The following MLIP variants were observed in gnomAD, a reference collection of about 807,000 sequenced individuals.
The protein encoded by MLIP is muscular LMNA interacting protein, also known as muscular LMNA-interacting protein.
A neutral mutation model predicts 84.8 loss-of-function variants in MLIP; 79 were observed. The ratio of observed to expected loss-of-function variants is 0.93; its 90% CI spans 0.78 to 1.12. MLIP has a LOEUF of 1.12. Ranked by LOEUF, MLIP falls within the 50% of genes most tolerant of loss-of-function variation. MLIP has a pLI of 0.00. For missense variants in MLIP, 1,257 were observed against 1,160.6 expected, an observed-to-expected ratio of 1.08 and a Z score of -1.21; for synonymous variants, 504 against 463.0, an observed-to-expected ratio of 1.09 and a Z score of -1.14.
intron 1 of MLIP, among the ~76,000 whole-genome samples, chr6:54,074,970 C>T (rs1392139664): frequency 6.6e-6 from 1 of 152,028 alleles, no homozygotes; most frequent in Non-Finnish European, 1.5e-5. Flanking sequence ...AATTCCTGGC[C>T]AGGCGCGGTG....
intron 12 of MLIP, among the ~76,000 whole-genome samples, chr6:54,250,864 T>G (rs1782426816): frequency 1.3e-5 from 2 of 152,104 alleles, no homozygotes; most frequent in Non-Finnish European, 2.9e-5. Context: ...CCTTTTAGTT[T>G]AGGTTAGATT....
Position 54,061,785 on chromosome 6 carries a change from AGAAG to A in MLIP, c.63+42695_63+42698del, listed in dbSNP as rs1259915672. Among the ~76,000 whole-genome samples the A allele has an allele frequency of 1.1e-4, 17 of 152,316 alleles. No individual in the cohort carries two copies. In the East Asian group the frequency reaches 2.9e-3, roughly 26 times the overall value. On this transcript the variant is annotated intron_variant, in intron 1 of 12. Coordinates refer to the MLIP transcript ENST00000274897. The stretch of plus-strand genomic sequence containing the variant: ...TAACAATGAAGATGTAAAAGACTAA[AGAAG>A]AGATCTGAGTATTACAGGGTTTATT...
At chr6:54,136,639 G>T in intron 3 of MLIP, 76 bp from the exon 4 acceptor site, 2 of 1,302,102 alleles carry the variant, frequency 1.5e-6, no homozygotes, top group African/African-American at 1.5e-5. Context: ...TTGTATAATC[G>T]CACAAGTGAC....
At chr6:54,198,883 T>C (rs946860470) in intron 10 of MLIP, among the ~76,000 whole-genome samples, 1 of 136,244 alleles carries the variant, frequency 7.3e-6, no homozygotes, top group Non-Finnish European at 1.7e-5. Context: ...TGTGTCTGTG[T>C]GTGTGTGTGT....
intron 1 of MLIP, among the ~76,000 whole-genome samples, chr6:54,082,796 C>A (rs554386694): frequency 2.6e-5 from 4 of 151,830 alleles, no homozygotes; most frequent in South Asian, 4.2e-4. Flanking sequence ...TGAATTTCCT[C>A]CTCATATAAT....
intron 3 of MLIP, among the ~76,000 whole-genome samples, chr6:54,126,517 C>G (rs1438502738): frequency 6.6e-6 from 1 of 151,690 alleles, no homozygotes; most frequent in Non-Finnish European, 1.5e-5. Context: ...TGGTGGAATA[C>G]TAGATCCTAA....
chr6:54,093,409 C>T (rs1003491173), intron 1 of MLIP, among the ~76,000 whole-genome samples: 3 of 105,124 alleles, frequency 2.9e-5, no homozygotes, highest in South Asian at 3.1e-4. Context: ...TTATCTAATT[C>T]GTTTTTTAAA....
At chr6:54,243,204 G>A (rs1372025931) in intron 12 of MLIP, among the ~76,000 whole-genome samples, 4 of 152,170 alleles carry the variant, frequency 2.6e-5, no homozygotes, top group Non-Finnish European at 4.4e-5. Context: ...AATCAGGAAA[G>A]ACTTAATGAG....
chr6:54,187,936 G>T (rs1777554477), intron 9 of MLIP, among the ~76,000 whole-genome samples: 2 of 152,178 alleles, frequency 1.3e-5, no homozygotes, highest in Admixed American at 6.5e-5. Flanking sequence ...GAAACTGGGA[G>T]GCAGAGGTTG....
At chr6:54,247,427 A>G (rs568539978) in intron 12 of MLIP, among the ~76,000 whole-genome samples, 1 of 152,296 alleles carries the variant, frequency 6.6e-6, no homozygotes, top group Admixed American at 6.5e-5. Flanking sequence ...TTTAGACTCC[A>G]TCAGTTGGCT....
At chr6:54,063,318 C>T (rs1245799893) in intron 1 of MLIP, 1 of 151,988 alleles carries the variant, frequency 6.6e-6, no homozygotes, top group Non-Finnish European at 1.5e-5. Context: ...CTCTTTTAAT[C>T]TGAGTACTCC....
intron 12 of MLIP, among the ~76,000 whole-genome samples, chr6:54,255,643 A>G (rs1351934083): frequency 1.3e-5 from 2 of 152,162 alleles, no homozygotes; most frequent in Non-Finnish European, 2.9e-5. Context: ...TAGTTTTTGA[A>G]ATTCAAGATT....
At chr6:54,207,883 T>C (rs1779146316) in intron 11 of MLIP, among the ~76,000 whole-genome samples, 1 of 152,186 alleles carries the variant, frequency 6.6e-6, no homozygotes, top group Non-Finnish European at 1.5e-5. Context: ...CCCAGCACTT[T>C]GGGAGGCCGA....
chr6:54,168,737 T>G (rs1775454173), intron 8 of MLIP, among the ~76,000 whole-genome samples: 1 of 151,976 alleles, frequency 6.6e-6, no homozygotes, highest in African/African-American at 2.4e-5. Context: ...AATTGATAAT[T>G]GTTAATTTAA....
rs375483418 is a variant in MLIP, at chr6:54,123,537, A to G, written c.253-936A>G. ...AAAATCAACTTTTTAGTTATATTTA[A>G]TCAGTGATTTGACTTCTGTCTTCAT... On this transcript the variant is annotated intron_variant, in intron 2 of 13. Coordinates refer to ENST00000502396, the MANE Select transcript of MLIP (RefSeq NM_001281747.2). Among the ~76,000 whole-genome samples, 16 of 152,332 alleles carry G rather than the reference A, an allele frequency of 1.1e-4. 1 individual carries two copies. The highest frequency in any genetic ancestry group is 3.8e-4 in the African/African-American group (16 of 41,574).
chr6:54,102,597 G>A (rs1042028040), intron 1 of MLIP, among the ~76,000 whole-genome samples: 9 of 152,148 alleles, frequency 5.9e-5, no homozygotes, highest in Admixed American at 5.9e-4. Context: ...AAATTAATAA[G>A]TGTTTAAATC....
At chr6:54,072,466 C>A (rs1766546266) in intron 1 of MLIP, among the ~76,000 whole-genome samples, 1 of 152,108 alleles carries the variant, frequency 6.6e-6, no homozygotes, top group Admixed American at 6.6e-5. Context: ...GGTCCTATAA[C>A]AATTTGGAGA....
chr6:54,208,136 T>C (rs1376888381), intron 11 of MLIP, among the ~76,000 whole-genome samples: 1 of 152,062 alleles, frequency 6.6e-6, no homozygotes, highest in African/African-American at 2.4e-5. Flanking sequence ...TCAAAAAAAA[T>C]AGGTCTTTGT....
At chr6:54,263,068 T>C (rs974429724) in intron 13 of MLIP, among the ~76,000 whole-genome samples, 2 of 152,054 alleles carry the variant, frequency 1.3e-5, no homozygotes, top group African/African-American at 4.8e-5. Context: ...GGTTTGATAT[T>C]GTAGTGAGTC....
Sources: gnomAD v4.1 joint callset for allele counts (sites outside exome capture counted in the v4.1 genomes callset) on GRCh38, gnomAD v4.1.1 for gene constraint, MANE v1.5 for transcripts, NCBI Gene and HGNC (gene_info 2026-07-23, HGNC 2026-07-21) for gene names.